The following RTL9 variants were observed in gnomAD, a reference collection of about 807,000 sequenced individuals.
RTL9 encodes the protein retrotransposon Gag-like protein 9.
Under a neutral mutation model 44.7 loss-of-function variants are expected in RTL9, and 19 were observed. The ratio of observed to expected loss-of-function variants is 0.42; its 90% CI spans 0.30 to 0.62. The LOEUF (loss-of-function observed/expected upper bound fraction) is 0.62, where lower values mean the gene tolerates loss of function less well. Ranked by LOEUF, RTL9 falls within the 20% of genes least tolerant of loss-of-function variation. The probability of loss-of-function intolerance (pLI) is 0.16; values close to 1 mark genes in which losing one functional copy is unlikely to be tolerated. For missense variants in RTL9, 1,105 were observed against 1,080.6 expected (o/e 1.02, Z -0.32); for synonymous variants, 407 against 398.9 (o/e 1.02, Z -0.24).
At chrX:110,425,052 A>G (rs1456203384) in intron 1 of RTL9, among the ~76,000 whole-genome samples, 1 of 112,103 alleles carries the variant, frequency 8.9e-6, no homozygotes, top group Non-Finnish European at 1.9e-5. Flanking sequence ...TTTCTATGTC[A>G]GAATCCTCTT....
chrX:110,400,163 T>C (rs1053883764), intron 1 of RTL9, among the ~76,000 whole-genome samples: 2 of 107,146 alleles, frequency 1.9e-5, no homozygotes, highest in Non-Finnish European at 3.8e-5. Flanking sequence ...ACACACACAT[T>C]TGGGTGCAAT....
At chrX:110,446,965 T>C (rs767489935), upstream of RTL9, among the ~76,000 whole-genome samples, 3 of 110,879 alleles carry the variant, frequency 2.7e-5, no homozygotes, top group Admixed American at 2.9e-4. Context: ...CCTCGTAGTA[T>C]GTTGTGAGTG....
intron 1 of RTL9, among the ~76,000 whole-genome samples, chrX:110,410,757 G>A (rs976219674): frequency 1.4e-4 from 15 of 111,008 alleles, no homozygotes; most frequent in Non-Finnish European, 2.6e-4. Context: ...GTCACCTGTC[G>A]TTTCAAGATA....
intron 1 of RTL9, among the ~76,000 whole-genome samples, chrX:110,438,842 G>A (rs1319788162): frequency 8.9e-6 from 1 of 112,198 alleles, no homozygotes; most frequent in Non-Finnish European, 1.9e-5. Context: ...CTTTGCTAAG[G>A]ACAATGTTCC....
intron 1 of RTL9, among the ~76,000 whole-genome samples, chrX:110,377,502 T>G (rs1415824399): frequency 8.9e-6 from 1 of 112,089 alleles, no homozygotes; most frequent in South Asian, 3.7e-4. Flanking sequence ...AGCACTCCAA[T>G]CAAACTATTA....
intron 1 of RTL9, among the ~76,000 whole-genome samples, chrX:110,424,552 A>G (rs1189323629): frequency 9.0e-6 from 1 of 111,124 alleles, no homozygotes; most frequent in Non-Finnish European, 1.9e-5. Flanking sequence ...CTTAACATTC[A>G]CTCACCAATC....
chrX:110,418,567 C>T (rs760604513), upstream of RTL9, among the ~76,000 whole-genome samples: 15 of 111,542 alleles, frequency 1.3e-4, no homozygotes, highest in Non-Finnish European at 1.5e-4. Context: ...AAGCTTAAGG[C>T]CGGGTGGGGC....
At chrX:110,403,403 A>T (rs2068577614) in intron 1 of RTL9, among the ~76,000 whole-genome samples, 1 of 112,558 alleles carries the variant, frequency 8.9e-6, no homozygotes, top group Non-Finnish European at 1.9e-5. Flanking sequence ...CCTGAGGAGC[A>T]GCAAGGAGCT....
intron 1 of RTL9, among the ~76,000 whole-genome samples, chrX:110,394,289 C>T (rs960251714): frequency 7.1e-5 from 8 of 111,893 alleles, no homozygotes; most frequent in East Asian, 2.8e-4. Flanking sequence ...TCACTCCTCT[C>T]GCCCAGGCTG....
upstream of RTL9, among the ~76,000 whole-genome samples, chrX:110,414,947 A>C (rs2068666648): frequency 8.9e-6 from 1 of 111,994 alleles, no homozygotes; most frequent in Non-Finnish European, 1.9e-5. Context: ...CTTTCTTCTG[A>C]AGAAAGAAGA....
At chrX:110,421,166 C>A (rs1470143320) in intron 1 of RTL9, among the ~76,000 whole-genome samples, 1 of 112,446 alleles carries the variant, frequency 8.9e-6, no homozygotes, top group African/African-American at 3.2e-5. Context: ...ATGGATCACT[C>A]TGATGTATGT....
intron 1 of RTL9, among the ~76,000 whole-genome samples, chrX:110,379,952 C>A (rs891507908): frequency 1.8e-5 from 2 of 111,590 alleles, no homozygotes; most frequent in African/African-American, 6.5e-5. Context: ...TTATTATAAT[C>A]CTCATTTACA....
chrX:110,424,720 G>T (rs1388171448), intron 1 of RTL9, among the ~76,000 whole-genome samples: 1 of 111,890 alleles, frequency 8.9e-6, no homozygotes, highest in East Asian at 2.8e-4. Flanking sequence ...GTATATCAGA[G>T]TATGTGTAAA....
chrX:110,404,571 T>G (rs752422130), intron 1 of RTL9, among the ~76,000 whole-genome samples: 7 of 112,093 alleles, frequency 6.2e-5, no homozygotes, highest in Non-Finnish European at 9.4e-5. Context: ...AAGCAACAGG[T>G]AACACATGCA....
intron 1 of RTL9, among the ~76,000 whole-genome samples, chrX:110,440,437 C>T (rs2068871898): frequency 9.0e-6 from 1 of 111,730 alleles, no homozygotes; most frequent in Non-Finnish European, 1.9e-5. Context: ...GATCAAAGTG[C>T]AGATTTGTTG....
chrX:110,450,709 C>G (rs1350118614), exon 1 of RTL9: 1 of 1,208,606 alleles, frequency 8.3e-7, no homozygotes, highest in African/African-American at 1.8e-5. Flanking sequence ...TTCTGTAGAC[C>G]AATGACAGAG....
intron 1 of RTL9, among the ~76,000 whole-genome samples, chrX:110,392,651 C>G (rs1490391223): frequency 9.0e-6 from 1 of 111,255 alleles, no homozygotes; most frequent in Non-Finnish European, 1.9e-5. Context: ...CGCAAGAGTG[C>G]CTTTTGAGCC....
rs780151926 is a variant in RTL9 at position 110,454,911 on chromosome X, ATTC to A, written c.4047+252_4047+254del. Among the ~76,000 whole-genome samples, 106 of 111,560 alleles carry A rather than the reference ATTC, an allele frequency of 9.5e-4. 1 individual carries two copies. The highest frequency in any genetic ancestry group is 4.7e-3 in the Middle Eastern group (1 of 215). On this transcript the variant is annotated intron_variant, in intron 1 of 1. Transcript: ENST00000540313. ...AGAACGTGGGATAGTTGAAGTACTA[ATTC>A]TTCTCATTATGAGGGAACTGGATGG...
At position 110,442,221 on chromosome X, in the gene RTL9, TTC is replaced by T. The variant is rs781098261; in HGVS notation, c.-167-2906_-167-2905del. ...TATATTGGAATTTGGATCGAAGTCT[TTC>T]TCTCTCTCTCTCTCTCTCTCTCTCT... On this transcript the variant is annotated intron_variant, in intron 1 of 3. Coordinates refer to the RTL9 transcript ENST00000465301. 2.1e-3 allele frequency among the ~76,000 whole-genome samples: 154 copies of T among 72,694 alleles called. 1 individual carries two copies. Among genetic ancestry groups the T allele is most frequent in the African/African-American group, 6.4e-3 (96 of 15,096 alleles). The allele number at this position is 72,694 out of a possible 115,157, so 63.1% of individuals were successfully genotyped here.
Sources: allele counts gnomAD v4.1 joint callset (sites outside exome capture counted in the v4.1 genomes callset), GRCh38; gene constraint gnomAD v4.1.1; transcripts MANE v1.5; gene names NCBI Gene and HGNC (gene_info 2026-07-23, HGNC 2026-07-21).